Variants in ADGRL3 observed in about 807,000 individuals in gnomAD.
ADGRL3 encodes the protein calcium-independent alpha-latrotoxin receptor 3.
ADGRL3 carries 62 observed loss-of-function variants against 153.5 expected under a neutral mutation model. That is an observed-to-expected ratio of 0.40 (90% confidence interval 0.33 to 0.50). The LOEUF (loss-of-function observed/expected upper bound fraction) is 0.50. Among genes scored for constraint, ADGRL3 ranks in the 20% least tolerant of loss-of-function variants. ADGRL3 has a pLI of 0.47. For missense variants in ADGRL3, 1,641 were observed against 1,859.4 expected (o/e 0.88, Z 2.16); for synonymous variants, 710 against 672.5 (o/e 1.06, Z -0.86).
intron 2 of ADGRL3, among the ~76,000 whole-genome samples, chr4:61,386,551 A>G (rs973270520): frequency 6.6e-6 from 1 of 152,168 alleles, no homozygotes; most frequent in Admixed American, 6.6e-5. Flanking sequence ...CAATTTACAA[A>G]TTTTTACTAA....
At chr4:61,344,911 C>T (rs984288603) in intron 1 of ADGRL3, among the ~76,000 whole-genome samples, 57 of 151,516 alleles carry the variant, frequency 3.8e-4, no homozygotes, top group African/African-American at 1.3e-3. Flanking sequence ...CTCTGCCTCC[C>T]GAGTAGCTGG....
chr4:61,377,496 A>G (rs2096617721), intron 1 of ADGRL3, among the ~76,000 whole-genome samples: 2 of 152,036 alleles, frequency 1.3e-5, no homozygotes, highest in Admixed American at 6.6e-5. Flanking sequence ...TTACCAAAAA[A>G]TCAATTATAT....
At chr4:61,585,073 C>A (rs890854387) in intron 4 of ADGRL3, among the ~76,000 whole-genome samples, 1 of 151,822 alleles carries the variant, frequency 6.6e-6, no homozygotes, top group South Asian at 2.1e-4. Context: ...TATAACCAAC[C>A]TTTAATTGTG....
intron 5 of ADGRL3, among the ~76,000 whole-genome samples, chr4:61,612,084 C>G (rs923779027): frequency 2.6e-5 from 4 of 152,022 alleles, no homozygotes; most frequent in African/African-American, 9.7e-5. Flanking sequence ...ATAGGACTTG[C>G]TTAATTTTTC....
intron 8 of ADGRL3, among the ~76,000 whole-genome samples, chr4:61,776,169 G>T (rs755647101): frequency 6.6e-6 from 1 of 152,256 alleles, no homozygotes; most frequent in African/African-American, 2.4e-5. Flanking sequence ...CAAAGTGCTG[G>T]GATTACAGGC....
At chr4:61,302,357 AG>A (rs1180879740) in intron 1 of ADGRL3, among the ~76,000 whole-genome samples, 1 of 152,114 alleles carries the variant, frequency 6.6e-6, no homozygotes, top group Admixed American at 6.6e-5. Flanking sequence ...GTGAAGTGAA[AG>A]GCTACTACTA....
chr4:61,251,123 C>G (rs1560384568), intron 1 of ADGRL3, among the ~76,000 whole-genome samples: 1 of 152,130 alleles, frequency 6.6e-6, no homozygotes, highest in Non-Finnish European at 1.5e-5. Context: ...TTGGACAGGG[C>G]AGTGAAGGTG....
intron 5 of ADGRL3, among the ~76,000 whole-genome samples, chr4:61,643,345 G>A (rs1246464268): frequency 6.6e-6 from 1 of 151,936 alleles, no homozygotes; most frequent in Non-Finnish European, 1.5e-5. Flanking sequence ...AGTGGTGAGA[G>A]AGGGCATCCC....
chr4:61,886,275 C>T (rs992312542), intron 9 of ADGRL3, among the ~76,000 whole-genome samples: 7 of 152,158 alleles, frequency 4.6e-5, no homozygotes, highest in African/African-American at 1.7e-4. Context: ...GGCAGAATTT[C>T]CTCTTTCTAC....
chr4:61,458,846 G>T (rs1314721812), intron 2 of ADGRL3, among the ~76,000 whole-genome samples: 2 of 151,188 alleles, frequency 1.3e-5, no homozygotes, highest in Non-Finnish European at 3.0e-5. Context: ...TTTTGATGTA[G>T]TCTGCATGAT....
chr4:61,708,628 T>G (rs1202879333), intron 6 of ADGRL3, among the ~76,000 whole-genome samples: 1 of 152,034 alleles, frequency 6.6e-6, no homozygotes, highest in Non-Finnish European at 1.5e-5. Context: ...TGCTATGGGT[T>G]TACTGCACAG....
intron 1 of ADGRL3, among the ~76,000 whole-genome samples, chr4:61,315,039 T>G (rs2095157401): frequency 6.6e-6 from 1 of 152,200 alleles, no homozygotes; most frequent in Non-Finnish European, 1.5e-5. Flanking sequence ...GGGATCTTGA[T>G]CTAACCTGGG....
At chr4:61,263,969 G>T (rs1464144061) in intron 1 of ADGRL3, among the ~76,000 whole-genome samples, 1 of 151,748 alleles carries the variant, frequency 6.6e-6, no homozygotes, top group Non-Finnish European at 1.5e-5. Context: ...TTTGAGATAG[G>T]CTTGTTGGTA....
chr4:62,026,835 A>G (rs1411246009), intron 21 of ADGRL3, among the ~76,000 whole-genome samples: 1 of 152,038 alleles, frequency 6.6e-6, no homozygotes, highest in Non-Finnish European at 1.5e-5. Context: ...AAAATTGATA[A>G]CTATGTGAGA....
chr4:61,331,823 A>G (rs1384395159), intron 1 of ADGRL3, among the ~76,000 whole-genome samples: 1 of 152,042 alleles, frequency 6.6e-6, no homozygotes, highest in Non-Finnish European at 1.5e-5. Context: ...TCATTTTTCT[A>G]ATATAAATGC....
At chr4:61,759,655 C>G (rs1373142342) in intron 8 of ADGRL3, among the ~76,000 whole-genome samples, 1 of 151,974 alleles carries the variant, frequency 6.6e-6, no homozygotes, top group Non-Finnish European at 1.5e-5. Flanking sequence ...TCATCTGAAG[C>G]CTTCTTCTCT....
chr4:61,588,963 C>T (rs1181048789), intron 5 of ADGRL3, among the ~76,000 whole-genome samples: 3 of 152,040 alleles, frequency 2.0e-5, no homozygotes, highest in African/African-American at 4.8e-5. Flanking sequence ...GTAATAGAAG[C>T]ATTAGCTCTT....
chr4:61,496,535 G>A (rs1163687758), intron 2 of ADGRL3, among the ~76,000 whole-genome samples: 1 of 152,042 alleles, frequency 6.6e-6, no homozygotes, highest in South Asian at 2.1e-4. Context: ...GAAGCTACCC[G>A]GGAGGCTGAG....
At chr4:62,045,730 TA>T (rs1730788651) in intron 25 of ADGRL3, among the ~76,000 whole-genome samples, 1 of 152,004 alleles carries the variant, frequency 6.6e-6, no homozygotes, top group Non-Finnish European at 1.5e-5. Flanking sequence ...ATAGTAACTA[TA>T]AACTAGTGAT....
Sources: allele counts gnomAD v4.1 joint callset (sites outside exome capture counted in the v4.1 genomes callset), GRCh38; gene constraint gnomAD v4.1.1; transcripts MANE v1.5; gene names NCBI Gene and HGNC (gene_info 2026-07-23, HGNC 2026-07-21).